Variants in ARVCF observed in about 807,000 individuals in gnomAD.
ARVCF encodes ARVCF delta catenin family member.
In ARVCF, 66 loss-of-function variants were observed where a neutral mutation model predicts 90.9. That is an observed-to-expected ratio of 0.73 (90% CI 0.60 to 0.89). The LOEUF is 0.89. Among genes scored for constraint, ARVCF ranks in the 40% least tolerant of loss-of-function variants. ARVCF has a pLI of 0.00. For missense variants in ARVCF, 1,469 were observed against 1,382.3 expected (o/e 1.06, Z -1.00); for synonymous variants, 653 against 603.4 (o/e 1.08, Z -1.21).
rs1336258705 is a variant in ARVCF at position 19,982,079 on chromosome 22, C to T, written c.223G>A (p.Gly75Ser). 5.0e-6 allele frequency: 8 copies of T among 1,611,586 alleles called. 1 individual carries two copies. The Admixed American group carries it at 1.3e-4, about 27-fold the overall frequency. The change falls in exon 4 of 20, where the codon GGC becomes AGC. Residue 75 changes from glycine (G) to serine (S), a missense_variant. Physicochemically the swap from Gly to Ser is moderately conservative, Grantham distance 56. Transcript: ENST00000263207. ...QQLVLQEQSP[G>S]SQASLATMPE... is the part of the protein sequence containing the mutation. ...ATCGTGGCCAGTGAGGCCTGGCTGC[C>T]TGGGCTCTGCTCCTGGGGCAAGGAG...
rs200210011 is a variant in ARVCF, at chr22:19,972,357, C to A, written c.2695+1G>T. The A allele has an allele frequency of 3.2e-5, 51 of 1,613,642 alleles. No homozygotes were observed. The highest frequency in any genetic ancestry group is 4.3e-5 in the Non-Finnish European group (51 of 1,179,996). ...ACCAACCACACTGCATCTGCACTCA[C>A]CTGGGCCCAGCGCATCCATGGGGAT... On this transcript the variant is annotated splice_donor_variant, in intron 17 of 19. Coordinates refer to ENST00000263207, the MANE Select transcript of ARVCF (RefSeq NM_001670.3). LOFTEE classifies it high-confidence loss of function.
At chr22:20,010,146 G>C (rs1466235256) in intron 2 of ARVCF, among the ~76,000 whole-genome samples, 1 of 152,188 alleles carries the variant, frequency 6.6e-6, no homozygotes, top group Non-Finnish European at 1.5e-5. Context: ...CAGACCCAGT[G>C]AATGTCCAAA....
intron 9 of ARVCF, 53 bp downstream of exon 9, chr22:19,977,362 G>C: frequency 1.4e-6 from 2 of 1,462,800 alleles, no homozygotes; most frequent in South Asian, 3.0e-5. Context: ...AGAGCCTTCC[G>C]CTGGGGCAGG....
rs1472019985 is a variant in ARVCF at position 19,970,761 on chromosome 22, A to G, written c.*13-18T>C. ...CCTGGGCCCTGCAGAGGGAAAGGGGATGGTGGACGCTGCAGCCACTGAGTG... is the reference window on the plus strand; with the variant it reads ...CCTGGGCCCTGCAGAGGGAAAGGGGGTGGTGGACGCTGCAGCCACTGAGTG... On this transcript the variant is annotated intron_variant, in intron 19 of 19. Transcript: ENST00000263207. 7.7e-7 allele frequency: 1 copy of G among 1,291,262 alleles called. No homozygotes were observed. The allele number at this position is 1,291,262 out of a possible 1,614,324, so 80.0% of individuals were successfully genotyped here. A position where few individuals can be genotyped will look rare whatever the true frequency, so the allele number is the denominator to read the frequency against.
intron 2 of ARVCF, among the ~76,000 whole-genome samples, chr22:20,009,052 G>A (rs943979272): frequency 3.9e-5 from 6 of 152,160 alleles, no homozygotes; most frequent in South Asian, 2.1e-4. Flanking sequence ...CAGGGCTGTC[G>A]TTTGGTGTCT....
Position 19,970,350 on chromosome 22 carries a change from G to C in ARVCF, c.*406C>G. 1.0e-6 allele frequency: 1 copy of C among 1,001,216 alleles called. No homozygotes were observed. The highest frequency in any genetic ancestry group is 1.7e-5 in the African/African-American group (1 of 57,612). The allele number at this position is 1,001,216 out of a possible 1,614,324, so 62.0% of individuals were successfully genotyped here. A position where few individuals can be genotyped will look rare whatever the true frequency, so the allele number is the denominator to read the frequency against. ...TTCCCAGCCCCCTCCCTGCCTAGCT[G>C]CCTGCCCCTGGCGCCAGACCTGGCC... On this transcript the variant is annotated 3_prime_UTR_variant, in exon 20 of 20. Transcript: ENST00000263207.
At chr22:19,997,602 C>T (rs1450301629) in intron 2 of ARVCF, among the ~76,000 whole-genome samples, 1 of 152,186 alleles carries the variant, frequency 6.6e-6, no homozygotes. Context: ...GACTCCAAGC[C>T]GTGGAGTAGT....
intron 2 of ARVCF, among the ~76,000 whole-genome samples, chr22:19,992,105 C>T (rs1038178144): frequency 3.3e-5 from 5 of 152,214 alleles, no homozygotes; most frequent in East Asian, 1.9e-4. Flanking sequence ...CAACACGGTG[C>T]GGGGACATGG....
intron 1 of ARVCF, among the ~76,000 whole-genome samples, chr22:20,014,170 G>A (rs1318519651): frequency 6.6e-6 from 1 of 150,432 alleles, no homozygotes; most frequent in East Asian, 2.0e-4. Context: ...ACGAGCCACC[G>A]TGACCAGCCC....
chr22:19,995,384 A>G (rs1444763153), intron 2 of ARVCF, among the ~76,000 whole-genome samples: 1 of 151,008 alleles, frequency 6.6e-6, no homozygotes, highest in Non-Finnish European at 1.5e-5. Flanking sequence ...GCATGAATGG[A>G]AGGGGGGGTG....
At position 19,970,841 on chromosome 22, in the gene ARVCF, G is replaced by A. The variant is rs1226521340; in HGVS notation, c.*13-98C>T. ...GGCAGCCAACTCCACAGGCTACATG[G>A]ATGGAGATGTGGATAGAAGCATCTG... On this transcript the variant is annotated intron_variant, in intron 19 of 19. Coordinates refer to ENST00000263207, the MANE Select transcript of ARVCF (RefSeq NM_001670.3). The A allele has an allele frequency of 4.8e-6, 6 of 1,263,130 alleles. No individual in the cohort carries two copies. In the East Asian group the frequency reaches 2.6e-4, roughly 55 times the overall value. 78.2% of individuals were successfully genotyped at this position (1,263,130 alleles called of 1,614,324 possible).
chr22:19,973,879 C>A, intron 12 of ARVCF, 86 bp from the exon 13 acceptor site: 1 of 1,524,580 alleles, frequency 6.6e-7, no homozygotes, highest in South Asian at 1.2e-5. Context: ...CCAGCTGGAC[C>A]TTCCTGCTCC....
chr22:19,978,972 C>G lies in ARVCF; in HGVS notation c.1505G>C (p.Arg502Pro). 6.2e-7 allele frequency: 1 copy of G among 1,613,338 alleles called. No individual in the cohort carries two copies. The highest frequency in any genetic ancestry group is 8.5e-7 in the Non-Finnish European group (1 of 1,179,950). Residue 502 changes from arginine to proline, a missense_variant, in exon 7 of 20, where the codon CGT (arginine) becomes CCT (proline). Physicochemically the swap from Arg to Pro is moderately radical, Grantham distance 103. Coordinates refer to ENST00000263207, the MANE Select transcript of ARVCF (RefSeq NM_001670.3). ...TGGCTTGGAGTCCTCGTTGGGCTCA[C>G]GCTCCCATCCTGAGTGGGGCACGAT... is the stretch of plus-strand genomic sequence containing the variant. ...EVIVPHSGWE[R>P]EPNEDSKPRD...
chr22:20,016,273 G>A (rs998195397), intron 1 of ARVCF, among the ~76,000 whole-genome samples: 28 of 152,086 alleles, frequency 1.8e-4, no homozygotes, highest in Non-Finnish European at 3.5e-4. Context: ...GCGGGGTCGG[G>A]CCGCGCTCGG....
intron 3 of ARVCF, chr22:19,987,168 G>T (rs985941237): frequency 3.8e-4 from 168 of 446,198 alleles, no homozygotes; most frequent in African/African-American, 3.1e-3. Context: ...CCGGCGCCTC[G>T]GCCGCTCGGG....
chr22:19,992,840 C>T (rs1944079864), intron 2 of ARVCF, among the ~76,000 whole-genome samples: 2 of 152,172 alleles, frequency 1.3e-5, no homozygotes, highest in South Asian at 2.1e-4. Flanking sequence ...GCTTCCCTGA[C>T]CTAAGCCCCT....
downstream of ARVCF, chr22:19,967,061 CCT>C (rs1386307989): frequency 8.2e-7 from 1 of 1,214,700 alleles, no homozygotes; most frequent in African/African-American, 1.6e-5. Context: ...CCTTCTTTCC[CCT>C]CTTGACCAGT....
Position 19,992,764 on chromosome 22 carries a change from C to T in ARVCF, c.-18-1952G>A, listed in dbSNP as rs116957157. On this transcript the variant is annotated intron_variant, in intron 2 of 19. Coordinates refer to ENST00000263207, the MANE Select transcript of ARVCF (RefSeq NM_001670.3). Reference sequence around the variant, plus strand: ...CTCCCTGTGCAGAGACATGGACCCTCGTCTACACCACACACCCCATCCCCC... The same window carrying T: ...CTCCCTGTGCAGAGACATGGACCCTTGTCTACACCACACACCCCATCCCCC... Among the ~76,000 whole-genome samples the T allele has an allele frequency of 3.4e-5, 5 of 148,196 alleles. No homozygotes were observed. In the East Asian group the frequency reaches 6.1e-4, roughly 18 times the overall value.
chr22:19,995,792 C>G (rs375937483), intron 2 of ARVCF, among the ~76,000 whole-genome samples: 51 of 152,260 alleles, frequency 3.3e-4, no homozygotes, highest in African/African-American at 1.1e-3. Flanking sequence ...CTGGCCCCCC[C>G]CTCGAGGGGA....
Sources: gnomAD v4.1 joint callset for allele counts (sites outside exome capture counted in the v4.1 genomes callset) on GRCh38, gnomAD v4.1.1 for gene constraint, MANE v1.5 for transcripts, NCBI Gene and HGNC (gene_info 2026-07-23, HGNC 2026-07-21) for gene names.